SLC27A1: variants seen among roughly 807,000 people sequenced by gnomAD.
SLC27A1 encodes the protein solute carrier family 27 member 1, also known as long-chain fatty acid transport protein 1.
SLC27A1 carries 61 observed loss-of-function variants against 62.2 expected under a neutral mutation model. The observed-to-expected ratio is 0.98, with a 90% CI of 0.80 to 1.21. SLC27A1 has a LOEUF of 1.21. Among genes scored for constraint, SLC27A1 ranks in the 50% most tolerant of loss-of-function variants. SLC27A1 has a pLI of 0.00. For synonymous variants in SLC27A1, 435 were observed against 408.6 expected, an observed-to-expected ratio of 1.06 and a Z score of -0.78; for missense variants, 903 against 932.1, an observed-to-expected ratio of 0.97 and a Z score of 0.41.
Position 17,486,146 on chromosome 19 carries a change from G to A in SLC27A1, c.168-417G>A, listed in dbSNP as rs547026240. On this transcript the variant is annotated intron_variant, in intron 1 of 11. Coordinates refer to ENST00000252595, the MANE Select transcript of SLC27A1 (RefSeq NM_198580.3). The surrounding 1 kb of genome is among the most constrained non-coding windows in gnomAD (Gnocchi z 6.6). ...CCCTGGTGCCACCCAGTGACCTGGG[G>A]GCAGAACAGCTGCCCAGCTCGGGGC... Among the ~76,000 whole-genome samples the A allele has an allele frequency of 2.7e-3, 406 of 152,348 alleles. No individual in the cohort carries two copies. Among genetic ancestry groups the A allele is most frequent in the Non-Finnish European group, 4.2e-3 (289 of 68,034 alleles).
chr19:17,490,370 T>A (rs1225839502), intron 6 of SLC27A1, among the ~76,000 whole-genome samples: 1 of 151,826 alleles, frequency 6.6e-6, no homozygotes, highest in Non-Finnish European at 1.5e-5. Context: ...CCCAGGCTGG[T>A]CTCAAACTCC....
intron 6 of SLC27A1, 83 bp downstream of exon 6, chr19:17,489,200 G>A: frequency 1.7e-6 from 2 of 1,157,602 alleles, no homozygotes; most frequent in Admixed American, 2.1e-5. Context: ...ACCTCCTCCC[G>A]GTGAGGCCCC....
intron 8 of SLC27A1, 31 bp downstream of exon 8, chr19:17,500,435 G>A (rs759540609): frequency 5.6e-5 from 90 of 1,612,478 alleles, no homozygotes; most frequent in South Asian, 1.3e-4. Flanking sequence ...GTCCCCACCC[G>A]GAGCAGGGGT....
chr19:17,492,654 G>A (rs1371913903), intron 6 of SLC27A1, among the ~76,000 whole-genome samples: 2 of 150,086 alleles, frequency 1.3e-5, no homozygotes, highest in Non-Finnish European at 3.0e-5. Flanking sequence ...AATAGAGGAC[G>A]GGGCCGGGCG....
chr19:17,490,366 C>T (rs111322049), intron 6 of SLC27A1, among the ~76,000 whole-genome samples: 4,785 of 152,042 alleles, frequency 0.031, 109 homozygotes, highest in Non-Finnish European at 0.051. Context: ...GTTGCCCAGG[C>T]TGGTCTCAAA....
chr19:17,480,379 T>C (rs1308153599), intron 1 of SLC27A1, among the ~76,000 whole-genome samples: 1 of 148,380 alleles, frequency 6.7e-6, no homozygotes, highest in Non-Finnish European at 1.5e-5. Context: ...TTCTTTCTCT[T>C]TTTTTTTTCA....
At chr19:17,487,099 G>A in intron 2 of SLC27A1, 75 bp from the exon 3 acceptor site, 1 of 1,602,412 alleles carries the variant, frequency 6.2e-7, no homozygotes, top group Non-Finnish European at 8.5e-7. Flanking sequence ...GCCCCGGGCA[G>A]GGAGTTGGTG....
At chr19:17,499,995 C>T (rs2075391668) in intron 7 of SLC27A1, 2 of 482,290 alleles carry the variant, frequency 4.1e-6, no homozygotes, top group Middle Eastern at 5.6e-4. Flanking sequence ...AGTGTCCACA[C>T]AGAGGCATCT....
chr19:17,499,952 C>A, intron 7 of SLC27A1: 1 of 306,458 alleles, frequency 3.3e-6, no homozygotes, highest in Non-Finnish European at 6.1e-6. Flanking sequence ...CGGCGGGCAG[C>A]AGGTGAAGCT....
Position 17,505,547 on chromosome 19 carries a change from T to A in SLC27A1, c.*935T>A. The A allele has an allele frequency of 6.5e-6, 1 of 153,150 alleles. No homozygotes were observed. The highest frequency in any genetic ancestry group is 1.5e-5 in the Non-Finnish European group (1 of 68,584). The allele number at this position is 153,150 out of a possible 1,614,324, so 9.5% of individuals were successfully genotyped here. ...CCTGTCACATTTCCCCAGCCCCACC[T>A]TCCCCTCCTGATGCCCTGAAAGCTT... is the stretch of plus-strand genomic sequence containing the variant. On this transcript the variant is annotated 3_prime_UTR_variant, in exon 12 of 12. Transcript: ENST00000252595.
In SLC27A1 at chr19:17,497,258, G is replaced by A. The variant is rs754187959; in HGVS notation, c.1000G>A (p.Val334Ile). The stretch of plus-strand genomic sequence containing the variant: ...ACTTCCTCACCCCGTCCCCCAGGTG[G>A]TTCAGTACATCGGGGAGATCTGCCG... ...DDCIKYNCTV[V>I]QYIGEICRYL... The change falls in exon 7 of 12, where the codon GTT (valine) becomes ATT (isoleucine). Residue 334 changes from valine to isoleucine, a missense_variant. Physicochemically the swap from Val to Ile is conservative, Grantham distance 29. Coordinates refer to ENST00000252595, the MANE Select transcript of SLC27A1 (RefSeq NM_198580.3). 10 of 1,595,682 alleles carry A rather than the reference G, an allele frequency of 6.3e-6. No homozygotes were observed. The highest frequency in any genetic ancestry group is 5.5e-5 in the Admixed American group (3 of 54,560).
In SLC27A1 at chr19:17,501,337, G is replaced by C; in HGVS notation, c.1701G>C (p.Ala567=). 1 of 1,614,028 alleles carries C rather than the reference G, an allele frequency of 6.2e-7. No individual in the cohort carries two copies. Among genetic ancestry groups the C allele is most frequent in the Non-Finnish European group, 8.5e-7 (1 of 1,179,988 alleles). Residue 567 remains alanine, a synonymous_variant, in exon 11 of 12, where the codon GCG becomes GCC. Transcript: ENST00000252595. ...CCCACAGCCTGCTGGACCCCAACGC[G>C]ATATACCAGGAGCTGCAGAAGGTGC... ...ADPHSLLDPN[A]IYQELQKVLA...
intron 1 of SLC27A1, among the ~76,000 whole-genome samples, chr19:17,479,821 T>C (rs900449758): frequency 3.3e-5 from 5 of 152,112 alleles, no homozygotes; most frequent in Admixed American, 3.3e-4. Flanking sequence ...TTTTTGTATC[T>C]TTAGTAGAGA....
At chr19:17,504,391 A>G in intron 11 of SLC27A1, 64 bp from the exon 12 acceptor site, 2 of 1,587,946 alleles carry the variant, frequency 1.3e-6, no homozygotes, top group Non-Finnish European at 1.7e-6. Flanking sequence ...AGGAGAGGAT[A>G]TTGAGTTGAG....
chr19:17,470,741 G>A (rs764379317), intron 1 of SLC27A1, 34 bp downstream of exon 1: 1 of 1,544,920 alleles, frequency 6.5e-7, no homozygotes, highest in Admixed American at 1.9e-5. Flanking sequence ...AGGGCTGGGG[G>A]CGGGGCTGAG....
At chr19:17,496,535 C>T (rs1175474104) in intron 6 of SLC27A1, 1 of 153,056 alleles carries the variant, frequency 6.5e-6, no homozygotes, top group Admixed American at 6.6e-5. Flanking sequence ...AGGGGTGACG[C>T]TCCGGCCAGC....
intron 1 of SLC27A1, among the ~76,000 whole-genome samples, chr19:17,478,951 C>A (rs2075150020): frequency 6.6e-6 from 1 of 151,730 alleles, no homozygotes; most frequent in African/African-American, 2.4e-5. Context: ...TTTCACCTCT[C>A]CACATGTGTT....
rs2075471381 is a variant in SLC27A1 at position 17,505,590 on chromosome 19, C to T, written c.*978C>T. The T allele has an allele frequency of 6.5e-6, 1 of 153,328 alleles. No homozygotes were observed. The highest frequency in any genetic ancestry group is 2.1e-4 in the South Asian group (1 of 4,862). The allele number at this position is 153,328 out of a possible 1,614,324, so 9.5% of individuals were successfully genotyped here. On this transcript the variant is annotated 3_prime_UTR_variant, in exon 12 of 12. Coordinates refer to ENST00000252595, the MANE Select transcript of SLC27A1 (RefSeq NM_198580.3). Reference sequence around the variant, plus strand: ...GAAAGCTTCCGGAATTGACTGTGACCACTTGGATGTCACCACTGTCAGCCC... The same window carrying T: ...GAAAGCTTCCGGAATTGACTGTGACTACTTGGATGTCACCACTGTCAGCCC...
In SLC27A1 at chr19:17,487,482, G is replaced by A. The variant is rs148855580; in HGVS notation, c.747G>A (p.Thr249=). The A allele has an allele frequency of 4.9e-5, 77 of 1,586,968 alleles. No individual in the cohort carries two copies. In the African/African-American group the frequency reaches 8.2e-4, roughly 17 times the overall value. ...GMDDRLFYIY[T]SGTTGLPKAA... is the part of the protein sequence containing the mutation. ...CAGATCGTCTTTTCTACATCTACACGTCGGGGACCACCGGGCTGCCCAAGG... is the reference window on the plus strand; with the variant it reads ...CAGATCGTCTTTTCTACATCTACACATCGGGGACCACCGGGCTGCCCAAGG... Residue 249 remains threonine (T), a synonymous_variant, in exon 4 of 12, where the codon ACG becomes ACA. Coordinates refer to ENST00000252595, the MANE Select transcript of SLC27A1 (RefSeq NM_198580.3).
Sources: gnomAD v4.1 joint callset for allele counts (sites outside exome capture counted in the v4.1 genomes callset) on GRCh38, gnomAD v4.1.1 for gene constraint, Gnocchi (gnomAD v3.1) non-coding constraint, MANE v1.5 for transcripts, NCBI Gene and HGNC (gene_info 2026-07-23, HGNC 2026-07-21) for gene names.